Variants in FBXW8 observed in about 807,000 individuals in gnomAD.
The protein encoded by FBXW8 is F-box/WD repeat-containing protein 8.
In FBXW8, 57 loss-of-function variants were observed where a neutral mutation model predicts 65.3. That is an observed-to-expected ratio of 0.87 (90% CI 0.71 to 1.09). The LOEUF (loss-of-function observed/expected upper bound fraction) is 1.09. Ranked by LOEUF, FBXW8 falls within the 50% of genes least tolerant of loss-of-function variation. The pLI is 0.00. For synonymous variants in FBXW8, 308 were observed against 330.2 expected (o/e 0.93, Z 0.73); for missense variants, 777 against 814.8 (o/e 0.95, Z 0.57).
chr12:117,014,635 G>A (rs775559370), intron 8 of FBXW8, among the ~76,000 whole-genome samples: 10 of 152,172 alleles, frequency 6.6e-5, no homozygotes, highest in African/African-American at 2.4e-4. Context: ...AGGTTCAGAC[G>A]GCAAGTTCTG....
At chr12:116,944,671 A>G (rs1882814081) in intron 2 of FBXW8, among the ~76,000 whole-genome samples, 1 of 152,220 alleles carries the variant, frequency 6.6e-6, no homozygotes, top group Non-Finnish European at 1.5e-5. Flanking sequence ...CCTGTGATTA[A>G]GTAAACCTTT....
chr12:116,952,914 T>C (rs1222951210), intron 4 of FBXW8, among the ~76,000 whole-genome samples: 1 of 152,088 alleles, frequency 6.6e-6, no homozygotes, highest in African/African-American at 2.4e-5. Flanking sequence ...ATTTTTGTAT[T>C]TTTAGTAGAG....
chr12:116,963,522 T>C (rs1218622120), intron 4 of FBXW8, among the ~76,000 whole-genome samples: 2 of 152,204 alleles, frequency 1.3e-5, no homozygotes, highest in Non-Finnish European at 2.9e-5. Context: ...AAGAATTGCT[T>C]GAACCTGGGA....
chr12:116,946,443 G>A lies in FBXW8; in HGVS notation c.588+915G>A, dbSNP rs571254376. Among the ~76,000 whole-genome samples, 110 of 152,238 alleles carry A rather than the reference G, an allele frequency of 7.2e-4. 2 individuals carry two copies. In the South Asian group the frequency reaches 0.022, roughly 30 times the overall value. On this transcript the variant is annotated intron_variant, in intron 3 of 10. Coordinates refer to ENST00000652555, the MANE Select transcript of FBXW8 (RefSeq NM_153348.3). ...AGTGACATTTGGGGCCAGCTAATTCGTTTTGTGCGGGGCTGTCCTGTGCAT... is the reference window on the plus strand; with the variant it reads ...AGTGACATTTGGGGCCAGCTAATTCATTTTGTGCGGGGCTGTCCTGTGCAT...
At chr12:117,021,807 T>C (rs1250326313) in intron 8 of FBXW8, among the ~76,000 whole-genome samples, 2 of 152,166 alleles carry the variant, frequency 1.3e-5, no homozygotes, top group Non-Finnish European at 2.9e-5. Flanking sequence ...AAAAGCGATG[T>C]GAAGTAATGG....
In FBXW8 at chr12:117,031,055, C is replaced by G. The variant is rs577496123; in HGVS notation, c.*2883C>G. Reference sequence around the variant, plus strand: ...CCAGGGGAGCTGGATGGTGAAACACCTGAAGATCTCATATCGCCTCTCAAA... The same window carrying G: ...CCAGGGGAGCTGGATGGTGAAACACGTGAAGATCTCATATCGCCTCTCAAA... On this transcript the variant is annotated 3_prime_UTR_variant, in exon 11 of 11. Coordinates refer to ENST00000652555, the MANE Select transcript of FBXW8 (RefSeq NM_153348.3). The G allele has an allele frequency of 2.6e-5, 4 of 152,338 alleles. No homozygotes were observed. The East Asian group carries it at 7.7e-4, about 29-fold the overall frequency. The allele number at this position is 152,338 out of a possible 1,614,324, so 9.4% of individuals were successfully genotyped here. A position where few individuals can be genotyped will look rare whatever the true frequency, so the allele number is the denominator to read the frequency against.
chr12:116,990,443 T>G lies in FBXW8; in HGVS notation c.1239+1574T>G, dbSNP rs370802764. Among the ~76,000 whole-genome samples the G allele has an allele frequency of 9.2e-5, 14 of 152,306 alleles. No homozygotes were observed. The East Asian group carries it at 2.7e-3, about 29-fold the overall frequency. ...CCTTTCTCATGCTCTAAAAAAACTT[T>G]CTTTTCCCATCCCTGGTGAGCTCAT... On this transcript the variant is annotated intron_variant, in intron 7 of 10. Coordinates refer to ENST00000652555, the MANE Select transcript of FBXW8 (RefSeq NM_153348.3).
In FBXW8 at chr12:116,942,770, A is replaced by ATTT. The variant is rs71099022; in HGVS notation, c.424-2571_424-2569dup. 3.9e-3 allele frequency among the ~76,000 whole-genome samples: 249 copies of ATTT among 64,374 alleles called. 4 individuals carry two copies. Among genetic ancestry groups the ATTT allele is most frequent in the East Asian group, 0.015 (29 of 1,920 alleles). 42.2% of individuals were successfully genotyped at this position (64,374 alleles called of 152,430 possible). The stretch of plus-strand genomic sequence containing the variant: ...TGTACTTTTTAACTCCAGAGCTTCT[A>ATTT]TTTTTTTTTTTTTTTTTTTTTTTTT... On this transcript the variant is annotated intron_variant, in intron 2 of 10. Coordinates refer to ENST00000652555, the MANE Select transcript of FBXW8 (RefSeq NM_153348.3).
At position 117,024,452 on chromosome 12, in the gene FBXW8, C is replaced by T; in HGVS notation, c.1541+132C>T. The T allele has an allele frequency of 4.0e-6, 4 of 1,004,428 alleles. 1 individual carries two copies. In the South Asian group the frequency reaches 6.3e-5, roughly 16 times the overall value. 62.2% of individuals were successfully genotyped at this position (1,004,428 alleles called of 1,614,324 possible). On this transcript the variant is annotated intron_variant, in intron 9 of 10. Coordinates refer to ENST00000652555, the MANE Select transcript of FBXW8 (RefSeq NM_153348.3). ...TCGCCAGGTGAATCCTTACTGTGAC[C>T]CTAGGAGCCAGCTGCTGTCCCAGCA...
intron 10 of FBXW8, 59 bp downstream of exon 10, chr12:117,027,563 CCA>C: frequency 1.5e-6 from 2 of 1,304,522 alleles, no homozygotes; most frequent in Non-Finnish European, 2.2e-6. Context: ...GTATAGAACC[CCA>C]CCCCCCCCGC....
chr12:117,027,478 C>G lies in FBXW8; in HGVS notation c.1626C>G (p.Asp542Glu), dbSNP rs773598560. Residue 542 changes from aspartate (D) to glutamate (E), a missense_variant, in exon 10 of 11, where the codon GAC (aspartate) becomes GAG (glutamate). Asp to Glu is a conservative substitution (Grantham distance 45, BLOSUM62 2). Transcript: ENST00000652555. ...VPYQTVMRNA[D>E]LDSFTTHRRH... ...ACCAGACGGTAATGCGAAACGCCGACCTGGACAGCTTCACTACTCACAGGA... is the reference window on the plus strand; with the variant it reads ...ACCAGACGGTAATGCGAAACGCCGAGCTGGACAGCTTCACTACTCACAGGA... 59 of 1,614,060 alleles carry G rather than the reference C, an allele frequency of 3.7e-5. No individual in the cohort carries two copies. Among genetic ancestry groups the G allele is most frequent in the Non-Finnish European group, 4.1e-5 (48 of 1,180,020 alleles).
chr12:116,949,577 C>T, intron 3 of FBXW8, 41 bp from the exon 4 acceptor site: 2 of 1,587,934 alleles, frequency 1.3e-6, no homozygotes, highest in South Asian at 2.2e-5. Flanking sequence ...TCGGGCTGTC[C>T]CGAGAGCAGT....
At chr12:116,977,743 C>G (rs1024930527) in intron 5 of FBXW8, 1 of 152,230 alleles carries the variant, frequency 6.6e-6, no homozygotes, top group Non-Finnish European at 1.5e-5. Flanking sequence ...CTGGAACTTT[C>G]CCTTGTAGAA....
At chr12:117,010,478 G>A (rs1953778923) in intron 8 of FBXW8, 28 bp downstream of exon 8, 1 of 1,613,914 alleles carries the variant, frequency 6.2e-7, no homozygotes, top group African/African-American at 1.3e-5. Flanking sequence ...GCATTGCCTT[G>A]CAGCCCCATG....
chr12:117,002,598 C>A (rs56391684), intron 7 of FBXW8: 2 of 152,176 alleles, frequency 1.3e-5, no homozygotes, highest in Non-Finnish European at 2.9e-5. Context: ...TTCACAGATA[C>A]GGCCGTGTTA....
chr12:116,962,446 C>T (rs1420738483), intron 4 of FBXW8, among the ~76,000 whole-genome samples: 1 of 152,172 alleles, frequency 6.6e-6, no homozygotes, highest in Non-Finnish European at 1.5e-5. Flanking sequence ...CCACCTAAAC[C>T]GTCTTTCCTC....
At chr12:117,023,007 T>C (rs1182992014) in intron 8 of FBXW8, among the ~76,000 whole-genome samples, 2 of 152,236 alleles carry the variant, frequency 1.3e-5, no homozygotes, top group East Asian at 1.9e-4. Flanking sequence ...GCTATGCCAC[T>C]TTCTTTCAGA....
rs565123619 is a variant in FBXW8 at position 116,913,329 on chromosome 12, C to G, written c.318+1974C>G. Among the ~76,000 whole-genome samples the G allele has an allele frequency of 5.3e-5, 8 of 152,286 alleles. No homozygotes were observed. In the East Asian group the frequency reaches 1.3e-3, roughly 26 times the overall value. On this transcript the variant is annotated intron_variant, in intron 1 of 10. Transcript: ENST00000652555. ...TCATGTACAGTTGACCTTTGAACAA[C>G]CTGGGGGGTTAGGAGAACTGACCTC...
At position 116,928,130 on chromosome 12, in the gene FBXW8, A is replaced by G. The variant is rs1256378659; in HGVS notation, c.423+3A>G. On this transcript the variant is annotated splice_donor_region_variant and intron_variant, in intron 2 of 10. Coordinates refer to ENST00000652555, the MANE Select transcript of FBXW8 (RefSeq NM_153348.3). Reference sequence around the variant, plus strand: ...AAGAACTAGGAAGATGTGCACAGGTAAGGTGTCACCAACAGATGTTCCAGA... The same window carrying G: ...AAGAACTAGGAAGATGTGCACAGGTGAGGTGTCACCAACAGATGTTCCAGA... 7 of 1,566,342 alleles carry G rather than the reference A, an allele frequency of 4.5e-6. No individual in the cohort carries two copies. The South Asian group carries it at 6.8e-5, about 15-fold the overall frequency.
Sources: allele counts gnomAD v4.1 joint callset (sites outside exome capture counted in the v4.1 genomes callset), GRCh38; gene constraint gnomAD v4.1.1; transcripts MANE v1.5; gene names NCBI Gene and HGNC (gene_info 2026-07-23, HGNC 2026-07-21).